The following TMEM232 variants were observed in gnomAD, a reference collection of about 807,000 sequenced individuals.
TMEM232 encodes transmembrane protein 232.
Under a neutral mutation model 78.8 loss-of-function variants are expected in TMEM232, and 80 were observed. That is an observed-to-expected ratio of 1.01 (90% confidence interval 0.85 to 1.22). TMEM232 has a LOEUF of 1.22. Ranked by LOEUF, TMEM232 falls within the 50% of genes most tolerant of loss-of-function variation. TMEM232 has a pLI of 0.00. For synonymous variants in TMEM232, 297 were observed against 254.3 expected (o/e 1.17, Z -1.60); for missense variants, 881 against 742.2 (o/e 1.19, Z -2.17).
downstream of TMEM232, among the ~76,000 whole-genome samples, chr5:110,415,337 GCCA>G (rs1312541552): frequency 2.6e-5 from 4 of 151,812 alleles, no homozygotes; most frequent in South Asian, 2.1e-4. Context: ...ACAGGCGCCT[GCCA>G]CCACACCTGG....
chr5:110,567,591 G>T (rs1178894142), intron 11 of TMEM232, among the ~76,000 whole-genome samples: 1 of 151,880 alleles, frequency 6.6e-6, no homozygotes, highest in Non-Finnish European at 1.5e-5. Context: ...ATTTAGGCTA[G>T]GAGATATAGG....
In TMEM232 at chr5:110,560,357, C is replaced by G. The variant is rs1313118145; in HGVS notation, c.1455+8090G>C. On this transcript the variant is annotated intron_variant, in intron 11 of 13. Coordinates refer to ENST00000455884, the MANE Select transcript of TMEM232 (RefSeq NM_001039763.4). Reference sequence around the variant, plus strand: ...ACCAGAAATACATAAACATTTGCATCAGAAGATATTACAAAAATGCTTATA... The same window carrying G: ...ACCAGAAATACATAAACATTTGCATGAGAAGATATTACAAAAATGCTTATA... 2.0e-5 allele frequency among the ~76,000 whole-genome samples: 3 copies of G among 152,188 alleles called. No individual in the cohort carries two copies. The East Asian group carries it at 5.8e-4, about 29-fold the overall frequency.
chr5:110,395,616 C>T (rs1190576142), intron 3 of TMEM232, among the ~76,000 whole-genome samples: 1 of 152,104 alleles, frequency 6.6e-6, no homozygotes, highest in African/African-American at 2.4e-5. Context: ...TTTGCTGATG[C>T]TGCTGTTGTA....
intron 10 of TMEM232, among the ~76,000 whole-genome samples, chr5:110,604,239 TC>T (rs758495850): frequency 3.3e-5 from 5 of 152,170 alleles, no homozygotes; most frequent in Non-Finnish European, 7.4e-5. Flanking sequence ...AAAGTTTTTT[TC>T]AACCACAAAA....
intron 5 of TMEM232, among the ~76,000 whole-genome samples, chr5:110,629,441 T>C (rs892565645): frequency 6.6e-6 from 1 of 152,160 alleles, no homozygotes; most frequent in Non-Finnish European, 1.5e-5. Context: ...CAAATTTTTA[T>C]TGACAAATCT....
At chr5:110,631,270 C>T (rs1477080301) in intron 5 of TMEM232, among the ~76,000 whole-genome samples, 1 of 152,150 alleles carries the variant, frequency 6.6e-6, no homozygotes, top group Non-Finnish European at 1.5e-5. Flanking sequence ...CACACACTTT[C>T]CAGAGCCTGA....
chr5:110,402,946 C>T (rs1208438513), intron 2 of TMEM232, among the ~76,000 whole-genome samples: 2 of 151,974 alleles, frequency 1.3e-5, no homozygotes, highest in African/African-American at 4.8e-5. Flanking sequence ...AGAAGCTGTT[C>T]ACTATAATCT....
intron 2 of TMEM232, among the ~76,000 whole-genome samples, chr5:110,657,184 C>T (rs1789191381): frequency 6.6e-6 from 1 of 152,158 alleles, no homozygotes; most frequent in South Asian, 2.1e-4. Context: ...ATGAATAACA[C>T]TATGGAGGTT....
At chr5:110,565,489 A>C (rs1776239183) in intron 11 of TMEM232, among the ~76,000 whole-genome samples, 1 of 151,970 alleles carries the variant, frequency 6.6e-6, no homozygotes, top group African/African-American at 2.4e-5. Flanking sequence ...TGAGATTTTC[A>C]CTTACTATCG....
chr5:110,596,261 T>C (rs1780149098), intron 10 of TMEM232, among the ~76,000 whole-genome samples: 1 of 152,160 alleles, frequency 6.6e-6, no homozygotes, highest in South Asian at 2.1e-4. Context: ...CTAGAAAATC[T>C]AGAAGAAATG....
intron 1 of TMEM232, among the ~76,000 whole-genome samples, chr5:110,667,898 CT>C (rs1790810143): frequency 6.6e-6 from 1 of 151,940 alleles, no homozygotes; most frequent in African/African-American, 2.4e-5. Context: ...AGTGCTTTCT[CT>C]GCTTGTTTTT....
In TMEM232 at chr5:110,656,194, C is replaced by T. The variant is rs113680304; in HGVS notation, c.125+11034G>A. ...CAATTTCAGAAAGCTGCATGTTCAC[C>T]ATTGTAGCCCCCAATCAACGTTTGC... On this transcript the variant is annotated intron_variant, in intron 2 of 13. Coordinates refer to ENST00000455884, the MANE Select transcript of TMEM232 (RefSeq NM_001039763.4). Among the ~76,000 whole-genome samples, 878 of 152,232 alleles carry T rather than the reference C, an allele frequency of 5.8e-3. 5 individuals carry two copies. The highest frequency in any genetic ancestry group is 0.02 in the African/African-American group (820 of 41,542).
chr5:110,420,649 CT>C lies in TMEM232; in HGVS notation c.1904del (p.Lys635ArgfsTer22). 2.0e-6 allele frequency: 3 copies of C among 1,525,360 alleles called. No individual in the cohort carries two copies. Among genetic ancestry groups the C allele is most frequent in the Non-Finnish European group, 2.6e-6 (3 of 1,143,482 alleles). The allele number at this position is 1,525,360 out of a possible 1,614,324, so 94.5% of individuals were successfully genotyped here. ...AEKNHFQEVM[K>X]KREEKLHKQT... ...GCTTATGTAGTTTCTCTTCTCTTTTCTTCATAACTTCTTGAAAGTGATTTTT... is the reference window on the plus strand; with the variant it reads ...GCTTATGTAGTTTCTCTTCTCTTTTCTCATAACTTCTTGAAAGTGATTTTT... On this transcript the variant is annotated frameshift_variant, in exon 14 of 14. Transcript: ENST00000455884. LOFTEE classifies it high-confidence loss of function.
chr5:110,600,685 A>T (rs1307430582), intron 10 of TMEM232, among the ~76,000 whole-genome samples: 2 of 152,170 alleles, frequency 1.3e-5, no homozygotes, highest in Non-Finnish European at 2.9e-5. Context: ...CCAACCAAAA[A>T]AAAAGACCAG....
chr5:110,688,403 T>A (rs549365920), intron 1 of TMEM232, among the ~76,000 whole-genome samples: 1 of 152,128 alleles, frequency 6.6e-6, no homozygotes, highest in Non-Finnish European at 1.5e-5. Flanking sequence ...ATTCTTGGGA[T>A]TGTGGAGAGA....
chr5:110,477,714 AATG>A (rs1234767125), intron 12 of TMEM232, among the ~76,000 whole-genome samples: 1 of 151,854 alleles, frequency 6.6e-6, no homozygotes, highest in African/African-American at 2.4e-5. Flanking sequence ...AAAAATTCAT[AATG>A]ATGATAAACC....
intron 2 of TMEM232, among the ~76,000 whole-genome samples, chr5:110,402,157 A>T (rs1755625246): frequency 6.6e-6 from 1 of 152,104 alleles, no homozygotes; most frequent in South Asian, 2.1e-4. Context: ...CGTTTGCATC[A>T]TTGCTCATTT....
At chr5:110,579,795 T>C (rs1169664637) in intron 10 of TMEM232, among the ~76,000 whole-genome samples, 1 of 151,326 alleles carries the variant, frequency 6.6e-6, no homozygotes, top group South Asian at 2.1e-4. Context: ...TGTAACAAAA[T>C]GGCAATAATA....
At chr5:110,427,470 G>A (rs1486300958) in intron 12 of TMEM232, among the ~76,000 whole-genome samples, 1 of 151,928 alleles carries the variant, frequency 6.6e-6, no homozygotes, top group Non-Finnish European at 1.5e-5. Context: ...TAAATGAGAT[G>A]TAGAATTTTG....
Sources: gnomAD v4.1 joint callset for allele counts (sites outside exome capture counted in the v4.1 genomes callset) on GRCh38, gnomAD v4.1.1 for gene constraint, MANE v1.5 for transcripts, NCBI Gene and HGNC (gene_info 2026-07-23, HGNC 2026-07-21) for gene names.